ARHGAP6: variants seen among roughly 807,000 people sequenced by gnomAD.
ARHGAP6 encodes the protein Rho GTPase activating protein 6.
In ARHGAP6, 16 loss-of-function variants were observed where a neutral mutation model predicts 55.7. That is an observed-to-expected ratio of 0.29 (90% CI 0.19 to 0.44). The LOEUF (loss-of-function observed/expected upper bound fraction) is 0.44. Among genes scored for constraint, ARHGAP6 ranks in the 20% least tolerant of loss-of-function variants. ARHGAP6 has a pLI of 1.00. For missense variants in ARHGAP6, 698 were observed against 808.9 expected (o/e 0.86, Z 1.66); for synonymous variants, 382 against 360.9 (o/e 1.06, Z -0.66).
chrX:11,463,182 G>A (rs150138817), intron 1 of ARHGAP6, among the ~76,000 whole-genome samples: 253 of 112,146 alleles, frequency 2.3e-3, no homozygotes, highest in Middle Eastern at 4.6e-3. Context: ...GTGAAGTTAC[G>A]TAACGTGCAA....
intron 1 of ARHGAP6, among the ~76,000 whole-genome samples, chrX:11,422,283 G>T (rs2049831626): frequency 9.0e-6 from 1 of 111,028 alleles, no homozygotes; most frequent in East Asian, 2.8e-4. Flanking sequence ...ATCACACAGA[G>T]GACATTCCAG....
intron 1 of ARHGAP6, among the ~76,000 whole-genome samples, chrX:11,517,430 A>G (rs1369667029): frequency 9.0e-6 from 1 of 111,422 alleles, no homozygotes; most frequent in African/African-American, 3.3e-5. Flanking sequence ...CAATAAAACA[A>G]CTGGCATTAC....
intron 1 of ARHGAP6, among the ~76,000 whole-genome samples, chrX:11,608,618 C>T (rs1413672048): frequency 8.9e-6 from 1 of 111,780 alleles, no homozygotes; most frequent in African/African-American, 3.3e-5. Context: ...CCACCCAAAT[C>T]TCATCTTGAA....
intron 10 of ARHGAP6, among the ~76,000 whole-genome samples, chrX:11,144,483 T>C (rs2045663430): frequency 8.9e-6 from 1 of 112,187 alleles, no homozygotes; most frequent in African/African-American, 3.2e-5. Context: ...AAGGCAATGA[T>C]GGAGAAGGCA....
chrX:11,201,834 GTCCC>G (rs1428775826), intron 2 of ARHGAP6, among the ~76,000 whole-genome samples: 1 of 111,211 alleles, frequency 9.0e-6, no homozygotes, highest in Non-Finnish European at 1.9e-5. Flanking sequence ...TTCCCACTGG[GTCCC>G]TCCCACCACA....
intron 1 of ARHGAP6, among the ~76,000 whole-genome samples, chrX:11,456,755 T>C (rs1473863791): frequency 8.9e-6 from 1 of 112,418 alleles, no homozygotes; most frequent in Non-Finnish European, 1.9e-5. Flanking sequence ...ACATAATTAA[T>C]TCAGAAAAGA....
chrX:11,457,253 G>A (rs1263349868), intron 1 of ARHGAP6, among the ~76,000 whole-genome samples: 1 of 111,901 alleles, frequency 8.9e-6, no homozygotes, highest in African/African-American at 3.2e-5. Flanking sequence ...GTAATAGCCA[G>A]AGCATCACCA....
intron 1 of ARHGAP6, among the ~76,000 whole-genome samples, chrX:11,592,507 T>G (rs1488294995): frequency 9.0e-6 from 1 of 111,697 alleles, no homozygotes; most frequent in Non-Finnish European, 1.9e-5. Flanking sequence ...CATGTTTTTA[T>G]TATATAGGCA....
chrX:11,515,258 T>C (rs1347233683), intron 1 of ARHGAP6, among the ~76,000 whole-genome samples: 1 of 112,367 alleles, frequency 8.9e-6, no homozygotes, highest in Admixed American at 9.5e-5. Context: ...GGAAGAACTT[T>C]CTTGGAAAGT....
At chrX:11,642,754 G>A (rs927990688) in intron 1 of ARHGAP6, among the ~76,000 whole-genome samples, 1 of 111,470 alleles carries the variant, frequency 9.0e-6, no homozygotes, top group African/African-American at 3.3e-5. Flanking sequence ...GATCCACAGA[G>A]ATAGAAAGTA....
At chrX:11,320,092 T>C (rs1231565084) in intron 1 of ARHGAP6, among the ~76,000 whole-genome samples, 1 of 112,225 alleles carries the variant, frequency 8.9e-6, no homozygotes, top group Non-Finnish European at 1.9e-5. Flanking sequence ...TTACTCACAT[T>C]GGAGATGTGA....
chrX:11,175,783 G>T (rs1223969747), intron 8 of ARHGAP6, among the ~76,000 whole-genome samples: 2 of 110,530 alleles, frequency 1.8e-5, no homozygotes, highest in Non-Finnish European at 3.8e-5. Flanking sequence ...GCACAGGACG[G>T]CCCCATGACA....
chrX:11,223,113 C>T (rs1281874594), intron 2 of ARHGAP6: 1 of 166,846 alleles, frequency 6.0e-6, no homozygotes, highest in East Asian at 2.5e-4. Context: ...AAATAAACTA[C>T]TTTTCAACAT....
chrX:11,383,149 C>G (rs975406897), intron 1 of ARHGAP6, among the ~76,000 whole-genome samples: 2 of 111,798 alleles, frequency 1.8e-5, no homozygotes, highest in African/African-American at 3.2e-5. Context: ...TTTTTAAGAG[C>G]CTTTTTTGCT....
intron 1 of ARHGAP6, among the ~76,000 whole-genome samples, chrX:11,447,876 G>C (rs1461907007): frequency 1.4e-4 from 16 of 112,058 alleles, no homozygotes; most frequent in African/African-American, 5.2e-4. Flanking sequence ...TAAAGAATTT[G>C]GTTGACATGT....
chrX:11,336,940 A>C (rs1305513012), intron 1 of ARHGAP6, among the ~76,000 whole-genome samples: 2 of 111,217 alleles, frequency 1.8e-5, no homozygotes, highest in Non-Finnish European at 3.8e-5. Flanking sequence ...TAAGTAATAT[A>C]TCCCAGGGAG....
At chrX:11,607,562 C>A (rs757341164) in intron 1 of ARHGAP6, among the ~76,000 whole-genome samples, 1 of 112,252 alleles carries the variant, frequency 8.9e-6, no homozygotes, top group South Asian at 3.7e-4. Flanking sequence ...AGGAAAAATT[C>A]ATGAAGCTAA....
intron 1 of ARHGAP6, among the ~76,000 whole-genome samples, chrX:11,269,229 G>C (rs774445716): frequency 9.0e-6 from 1 of 111,364 alleles, no homozygotes; most frequent in Non-Finnish European, 1.9e-5. Flanking sequence ...GAGCCCTTGC[G>C]CTTGAAACTC....
At chrX:11,281,921 T>C (rs1471289018) in intron 1 of ARHGAP6, among the ~76,000 whole-genome samples, 1 of 112,234 alleles carries the variant, frequency 8.9e-6, no homozygotes, top group African/African-American at 3.2e-5. Flanking sequence ...TTCTGATAGA[T>C]GAAGGAAACG....
Sources: gnomAD v4.1 joint callset for allele counts (sites outside exome capture counted in the v4.1 genomes callset) on GRCh38, gnomAD v4.1.1 for gene constraint, MANE v1.5 for transcripts, NCBI Gene and HGNC (gene_info 2026-07-23, HGNC 2026-07-21) for gene names.